The following CAMTA1 variants were observed in gnomAD, a reference collection of about 807,000 sequenced individuals.
CAMTA1 encodes calmodulin-binding transcription activator 1.
CAMTA1 carries 27 observed loss-of-function variants against 170.9 expected under a neutral mutation model. That is an observed-to-expected ratio of 0.16 (90% CI 0.12 to 0.22). CAMTA1 has a LOEUF of 0.22. Among genes scored for constraint, CAMTA1 ranks in the 10% least tolerant of loss-of-function variants. The pLI, the probability that CAMTA1 is intolerant of heterozygous loss-of-function variation, is 1.00. For synonymous variants in CAMTA1, 833 were observed against 891.5 expected, an observed-to-expected ratio of 0.93 and a Z score of 1.17; for missense variants, 1,619 against 2,217.2, an observed-to-expected ratio of 0.73 and a Z score of 5.42.
intron 5 of CAMTA1, among the ~76,000 whole-genome samples, chr1:7,404,557 A>T (rs1266969441): frequency 6.6e-6 from 1 of 152,164 alleles, no homozygotes; most frequent in Non-Finnish European, 1.5e-5. Flanking sequence ...GACACTGTCT[A>T]TGTTGTATCG....
rs151274783 is a variant in CAMTA1 at position 6,827,787 on chromosome 1, ATAAAG to A, written c.234+2584_234+2588del. 3.2e-4 allele frequency among the ~76,000 whole-genome samples: 49 copies of A among 152,334 alleles called. No individual in the cohort carries two copies. The East Asian group carries it at 7.3e-3, about 23-fold the overall frequency. Reference sequence around the variant, plus strand: ...GCCCGTGAAATCCCTTGACTTGCTCATAAAGTAAAGTTTAGTCAGACTGCCCTTAT... The same window carrying A: ...GCCCGTGAAATCCCTTGACTTGCTCATAAAGTTTAGTCAGACTGCCCTTAT... On this transcript the variant is annotated intron_variant, in intron 3 of 22. Transcript: ENST00000303635.
chr1:7,031,105 C>G (rs1385420693), intron 3 of CAMTA1, among the ~76,000 whole-genome samples: 2 of 151,402 alleles, frequency 1.3e-5, no homozygotes, highest in Admixed American at 6.6e-5. Context: ...CCTTGGCCTC[C>G]CAAAGTGCTG....
chr1:7,272,834 T>C (rs1264293715), intron 5 of CAMTA1, among the ~76,000 whole-genome samples: 2 of 151,480 alleles, frequency 1.3e-5, no homozygotes, highest in African/African-American at 4.9e-5. Context: ...GAAGATAACA[T>C]GGGAATAAAT....
intron 7 of CAMTA1, among the ~76,000 whole-genome samples, chr1:7,645,617 C>A (rs530832487): frequency 1.3e-5 from 2 of 152,342 alleles, no homozygotes; most frequent in South Asian, 4.1e-4. Context: ...CTGCAGGCTT[C>A]GAAGGCCCGG....
chr1:7,734,202 C>T (rs1421374410), intron 12 of CAMTA1, among the ~76,000 whole-genome samples: 2 of 152,206 alleles, frequency 1.3e-5, no homozygotes, highest in Admixed American at 6.5e-5. Context: ...CTGCCTCGGC[C>T]TCCCAAAGTG....
At chr1:6,920,913 T>C (rs1681863816) in intron 3 of CAMTA1, among the ~76,000 whole-genome samples, 2 of 152,252 alleles carry the variant, frequency 1.3e-5, no homozygotes, top group Non-Finnish European at 2.9e-5. Context: ...TTTAGGCCTC[T>C]GGGCCTGTGA....
intron 4 of CAMTA1, among the ~76,000 whole-genome samples, chr1:7,207,640 C>T (rs115165464): frequency 1.3e-5 from 2 of 152,292 alleles, no homozygotes; most frequent in African/African-American, 2.4e-5. Context: ...GGTCACGAGG[C>T]CAGTGGCTGG....
chr1:7,439,899 T>A (rs17030844), intron 5 of CAMTA1, among the ~76,000 whole-genome samples: 13,066 of 152,246 alleles, frequency 0.086, 1,635 homozygotes, highest in African/African-American at 0.28. Flanking sequence ...CTTGGCTTCC[T>A]CATTTGCAAA....
At chr1:7,321,747 A>G (rs542921069) in intron 5 of CAMTA1, among the ~76,000 whole-genome samples, 12 of 151,944 alleles carry the variant, frequency 7.9e-5, no homozygotes, top group East Asian at 1.9e-4. Context: ...TCTCTATCCA[A>G]TTTTTTGGTC....
chr1:7,358,887 G>T (rs2085332398), intron 5 of CAMTA1, among the ~76,000 whole-genome samples: 1 of 152,186 alleles, frequency 6.6e-6, no homozygotes, highest in African/African-American at 2.4e-5. Flanking sequence ...ATGCCAAGGA[G>T]TGGATCTCTG....
intron 4 of CAMTA1, among the ~76,000 whole-genome samples, chr1:7,098,477 G>A (rs1291605180): frequency 6.6e-6 from 1 of 152,216 alleles, no homozygotes; most frequent in Non-Finnish European, 1.5e-5. Context: ...CCTCCTGCCC[G>A]AGGACTTCCT....
In CAMTA1 at chr1:7,565,468, A is replaced by C. The variant is rs551392148; in HGVS notation, c.511-74932A>C. Among the ~76,000 whole-genome samples the C allele has an allele frequency of 6.6e-6, 1 of 152,276 alleles. No homozygotes were observed. Among genetic ancestry groups the C allele is most frequent in the African/African-American group, 2.4e-5 (1 of 41,556 alleles). ...CACGTGGTAGAGTGAAGAGGCCAGG[A>C]ACAGAGGGCTTGGCTGAGTGTCCAC... is the stretch of plus-strand genomic sequence containing the variant. On this transcript the variant is annotated intron_variant, in intron 6 of 22. Coordinates refer to ENST00000303635, the MANE Select transcript of CAMTA1 (RefSeq NM_015215.4). The surrounding 1 kb of genome is among the most constrained non-coding windows in gnomAD (Gnocchi z 4.5).
intron 6 of CAMTA1, among the ~76,000 whole-genome samples, chr1:7,520,757 T>C (rs1371898023): frequency 6.6e-6 from 1 of 152,166 alleles, no homozygotes; most frequent in African/African-American, 2.4e-5. Context: ...GCCTCGTGCA[T>C]CTTGCTGTGG....
chr1:7,335,890 G>A (rs1557539105), intron 5 of CAMTA1, among the ~76,000 whole-genome samples: 1 of 152,142 alleles, frequency 6.6e-6, no homozygotes, highest in Non-Finnish European at 1.5e-5. Flanking sequence ...TTGATGGTGG[G>A]GAAGAGAGCC....
intron 3 of CAMTA1, among the ~76,000 whole-genome samples, chr1:7,088,035 A>G (rs2032537): frequency 0.87 from 133,058 of 152,244 alleles, 58,433 homozygotes; most frequent in African/African-American, 0.95. Context: ...AGGCTGGGCA[A>G]CAGGGGCCTG....
intron 4 of CAMTA1, among the ~76,000 whole-genome samples, chr1:7,230,730 A>G (rs1281389313): frequency 6.6e-6 from 1 of 152,192 alleles, no homozygotes; most frequent in Admixed American, 6.5e-5. Flanking sequence ...CCAGGTGAAG[A>G]GCAGCCAGGC....
intron 7 of CAMTA1, among the ~76,000 whole-genome samples, chr1:7,643,460 GAC>G (rs2095781640): frequency 6.6e-6 from 1 of 152,150 alleles, no homozygotes; most frequent in African/African-American, 2.4e-5. Flanking sequence ...AATTCTTCTC[GAC>G]ACACACAGAC....
intron 4 of CAMTA1, among the ~76,000 whole-genome samples, chr1:7,106,663 C>T (rs1401888496): frequency 2.0e-5 from 3 of 152,084 alleles, no homozygotes; most frequent in African/African-American, 4.8e-5. Context: ...CGTGGAACCG[C>T]GTTTCTCTGC....
At position 7,466,720 on chromosome 1, in the gene CAMTA1, G is replaced by A. The variant is rs572934233; in HGVS notation, c.439-1110G>A. On this transcript the variant is annotated intron_variant, in intron 5 of 22. Transcript: ENST00000303635. Reference sequence around the variant, plus strand: ...CTCTATGCCCCACCCCTTCTAGAGCGGATGCAGTGGGAAGCCAGGGGAACT... The same window carrying A: ...CTCTATGCCCCACCCCTTCTAGAGCAGATGCAGTGGGAAGCCAGGGGAACT... Among the ~76,000 whole-genome samples the A allele has an allele frequency of 7.2e-5, 11 of 152,248 alleles. No individual in the cohort carries two copies. In the South Asian group the frequency reaches 1.9e-3, roughly 26 times the overall value.
Sources: gnomAD v4.1 joint callset for allele counts (sites outside exome capture counted in the v4.1 genomes callset) on GRCh38, gnomAD v4.1.1 for gene constraint, Gnocchi (gnomAD v3.1) non-coding constraint, MANE v1.5 for transcripts, NCBI Gene and HGNC (gene_info 2026-07-23, HGNC 2026-07-21) for gene names.